Variants in SLC22A3 observed in about 807,000 individuals in gnomAD.
The protein encoded by SLC22A3 is EMT organic cation transporter 3.
Under a neutral mutation model 59.1 loss-of-function variants are expected in SLC22A3, and 51 were observed. The observed-to-expected ratio is 0.86, with a 90% confidence interval of 0.69 to 1.09. The LOEUF (loss-of-function observed/expected upper bound fraction) is 1.09, where lower values mean the gene tolerates loss of function less well. SLC22A3 is among the 50% of genes least tolerant of loss of function. The pLI, the probability that SLC22A3 is intolerant of heterozygous loss-of-function variation, is 0.00. For synonymous variants in SLC22A3, 325 were observed against 292.0 expected, an observed-to-expected ratio of 1.11 and a Z score of -1.15; for missense variants, 711 against 726.3, an observed-to-expected ratio of 0.98 and a Z score of 0.24.
intron 5 of SLC22A3, among the ~76,000 whole-genome samples, chr6:160,422,625 G>A (rs557339812): frequency 1.2e-4 from 19 of 152,220 alleles, no homozygotes; most frequent in East Asian, 3.9e-4. Flanking sequence ...TTTGAGAGAC[G>A]GAAATAGAAT....
At chr6:160,391,516 A>G (rs1041294406) in intron 1 of SLC22A3, among the ~76,000 whole-genome samples, 2 of 152,222 alleles carry the variant, frequency 1.3e-5, no homozygotes, top group Non-Finnish European at 2.9e-5. Context: ...GGAACACAAG[A>G]GTCAACAATG....
chr6:160,449,819 A>G (rs1217965827), intron 10 of SLC22A3, among the ~76,000 whole-genome samples: 2 of 152,186 alleles, frequency 1.3e-5, no homozygotes, highest in Non-Finnish European at 2.9e-5. Flanking sequence ...GACATCACAT[A>G]TCGGTAGGAC....
At chr6:160,375,444 GC>G (rs1190237829) in intron 1 of SLC22A3, among the ~76,000 whole-genome samples, 4 of 151,334 alleles carry the variant, frequency 2.6e-5, no homozygotes, top group Non-Finnish European at 5.9e-5. Flanking sequence ...ACATTTCCTA[GC>G]CCCCCCACCA....
At chr6:160,436,665 G>T in intron 5 of SLC22A3, 115 bp from the exon 6 acceptor site, 1 of 694,662 alleles carries the variant, frequency 1.4e-6, no homozygotes, top group East Asian at 2.7e-5. Flanking sequence ...AAGATATTAT[G>T]AAAGCCCCTA....
intron 2 of SLC22A3, among the ~76,000 whole-genome samples, chr6:160,406,803 T>G (rs9457918): frequency 0.47 from 70,955 of 152,070 alleles, 16,836 homozygotes; most frequent in East Asian, 0.56. Flanking sequence ...AAACAATAGT[T>G]TCAAGGAGGG....
chr6:160,369,935 C>T (rs1484674029), intron 1 of SLC22A3, among the ~76,000 whole-genome samples: 2 of 152,164 alleles, frequency 1.3e-5, no homozygotes, highest in African/African-American at 2.4e-5. Context: ...ACCCAATGGC[C>T]AGGGCAGGAG....
At chr6:160,443,593 A>C (rs1476784927) in intron 8 of SLC22A3, 37 bp from the exon 9 acceptor site, 1 of 1,356,052 alleles carries the variant, frequency 7.4e-7, no homozygotes. Context: ...TCACTTGTTG[A>C]AATAGTTTTC....
At chr6:160,422,692 AAGG>A (rs1347070008) in intron 5 of SLC22A3, among the ~76,000 whole-genome samples, 1 of 152,210 alleles carries the variant, frequency 6.6e-6, no homozygotes, top group Non-Finnish European at 1.5e-5. Flanking sequence ...TGTCTGAATA[AAGG>A]AGGTGTTAAT....
chr6:160,399,808 C>A (rs1011448111), intron 2 of SLC22A3, among the ~76,000 whole-genome samples: 1 of 152,118 alleles, frequency 6.6e-6, no homozygotes, highest in Non-Finnish European at 1.5e-5. Flanking sequence ...AAATGCTGAA[C>A]AAACTGAAAA....
At chr6:160,356,368 G>T (rs191181945) in intron 1 of SLC22A3, among the ~76,000 whole-genome samples, 1 of 152,344 alleles carries the variant, frequency 6.6e-6, no homozygotes, top group East Asian at 1.9e-4. Context: ...AATGTAGGGG[G>T]TGTGACCTGG....
intron 1 of SLC22A3, among the ~76,000 whole-genome samples, chr6:160,354,134 A>G (rs892372398): frequency 2.0e-5 from 3 of 152,176 alleles, no homozygotes; most frequent in African/African-American, 7.2e-5. Flanking sequence ...TGTTGCAGAG[A>G]CATCTGTACT....
In SLC22A3 at chr6:160,437,515, G is replaced by C. The variant is rs116290558; in HGVS notation, c.1288+304G>C. 8.2e-3 allele frequency among the ~76,000 whole-genome samples: 1,244 copies of C among 152,276 alleles called. 18 individuals are homozygous for C. Among genetic ancestry groups the C allele is most frequent in the African/African-American group, 0.027 (1,129 of 41,552 alleles). ...TGTGACTTACTTTTGTGATATCTCTGATGTTTAACTTATTTCCTGAACCTC... is the reference window on the plus strand; with the variant it reads ...TGTGACTTACTTTTGTGATATCTCTCATGTTTAACTTATTTCCTGAACCTC... On this transcript the variant is annotated intron_variant, in intron 7 of 10. Coordinates refer to ENST00000275300, the MANE Select transcript of SLC22A3 (RefSeq NM_021977.4).
chr6:160,428,062 A>G (rs1029348799), intron 5 of SLC22A3, among the ~76,000 whole-genome samples: 1 of 152,106 alleles, frequency 6.6e-6, no homozygotes, highest in Admixed American at 6.6e-5. Context: ...CTCTTATGTC[A>G]ACAGGCTCCC....
intron 8 of SLC22A3, 34 bp downstream of exon 8, chr6:160,442,903 T>A: frequency 6.6e-7 from 1 of 1,504,248 alleles, no homozygotes; most frequent in Non-Finnish European, 9.3e-7. Flanking sequence ...TTCTCCTAAG[T>A]AACTCTGTAG....
intron 1 of SLC22A3, among the ~76,000 whole-genome samples, chr6:160,350,311 C>T (rs561445437): frequency 7.2e-5 from 11 of 152,198 alleles, no homozygotes; most frequent in Non-Finnish European, 1.5e-4. Context: ...TGGCTCTATG[C>T]TGAGTGATCT....
intron 5 of SLC22A3, among the ~76,000 whole-genome samples, chr6:160,412,172 G>A (rs1237415893): frequency 5.3e-5 from 8 of 152,078 alleles, no homozygotes; most frequent in African/African-American, 1.9e-4. Context: ...GACCAGCCTG[G>A]CCAACATGGT....
Position 160,348,520 on chromosome 6 carries a change from T to A in SLC22A3, c.101T>A (p.Phe34Tyr). The change falls in exon 1 of 11, where the codon TTC becomes TAC. Residue 34 changes from phenylalanine to tyrosine, a missense_variant. Coordinates refer to ENST00000275300, the MANE Select transcript of SLC22A3 (RefSeq NM_021977.4). ...TGCCTGACGGGCGTCACCTTCGCCT[T>A]CCTCTTCGTCGGCGTGGTCTTCCTG... ...LLCLTGVTFA[F>Y]LFVGVVFLGT... 1 of 1,565,928 alleles carries A rather than the reference T, an allele frequency of 6.4e-7. No homozygotes were observed. The highest frequency in any genetic ancestry group is 8.6e-7 in the Non-Finnish European group (1 of 1,163,884).
chr6:160,359,525 C>T (rs1784947149), intron 1 of SLC22A3, among the ~76,000 whole-genome samples: 2 of 151,938 alleles, frequency 1.3e-5, no homozygotes, highest in African/African-American at 4.8e-5. Context: ...GGAAAGAGAG[C>T]TTATGGTGTT....
rs73590829 is a variant in SLC22A3, at chr6:160,405,695, A to G, written c.534-1346A>G. Among the ~76,000 whole-genome samples the G allele has an allele frequency of 5.3e-5, 8 of 152,234 alleles. No homozygotes were observed. The South Asian group carries it at 1.0e-3, about 20-fold the overall frequency. On this transcript the variant is annotated intron_variant, in intron 2 of 10. Coordinates refer to ENST00000275300, the MANE Select transcript of SLC22A3 (RefSeq NM_021977.4). ...AACCAAGATGCCCTTCCATAGGTGA[A>G]TGGACAAACTGTGATACATCCAGAC...
Sources: gnomAD v4.1 joint callset for allele counts (sites outside exome capture counted in the v4.1 genomes callset) on GRCh38, gnomAD v4.1.1 for gene constraint, MANE v1.5 for transcripts, NCBI Gene and HGNC (gene_info 2026-07-23, HGNC 2026-07-21) for gene names.